Variants in NUP98 observed in about 807,000 individuals in gnomAD.
NUP98 encodes the protein nucleoporin 98 and 96 precursor, also known as nuclear pore complex protein Nup98-Nup96.
A neutral mutation model predicts 191.9 loss-of-function variants in NUP98; 26 were observed. The observed-to-expected ratio is 0.14, with a 90% CI of 0.10 to 0.19. The LOEUF (loss-of-function observed/expected upper bound fraction) is 0.19. Among genes scored for constraint, NUP98 ranks in the 10% least tolerant of loss-of-function variants. NUP98 has a pLI of 1.00. For synonymous variants in NUP98, 808 were observed against 778.4 expected (o/e 1.04, Z -0.63); for missense variants, 1,941 against 2,178.8 (o/e 0.89, Z 2.17).
chr11:3,713,037 T>C (rs1220155340), intron 19 of NUP98, among the ~76,000 whole-genome samples: 1 of 152,224 alleles, frequency 6.6e-6, no homozygotes, highest in Non-Finnish European at 1.5e-5. Context: ...CAGACATATA[T>C]TGCCTGTTAT....
chr11:3,734,423 G>A (rs2079968983), intron 13 of NUP98, among the ~76,000 whole-genome samples: 1 of 152,214 alleles, frequency 6.6e-6, no homozygotes, highest in African/African-American at 2.4e-5. Context: ...AGTAGTTTCT[G>A]TATATTGAGC....
chr11:3,719,516 A>C lies in NUP98; in HGVS notation c.2295T>G (p.Asn765Lys). The change falls in exon 18 of 33, where the codon AAT (asparagine) becomes AAG (lysine). Residue 765 changes from asparagine to lysine, a missense_variant. Transcript: ENST00000324932. ...YGSIYFEGDV[N>K]LTNLNLDDIV... ...TATCATCCAAATTTAGATTTGTCAA[A>C]TTCACATCTCCTTCAAAATAGATTG... is the stretch of plus-strand genomic sequence containing the variant. 6.3e-7 allele frequency: 1 copy of C among 1,590,384 alleles called. No individual in the cohort carries two copies. Among genetic ancestry groups the C allele is most frequent in the Non-Finnish European group, 8.5e-7 (1 of 1,170,896 alleles).
At chr11:3,777,703 G>T (rs1462892127) in intron 4 of NUP98, among the ~76,000 whole-genome samples, 2 of 150,074 alleles carry the variant, frequency 1.3e-5, no homozygotes, top group Non-Finnish European at 3.0e-5. Context: ...CCAATATTTA[G>T]AATTAGTAAC....
chr11:3,705,085 A>G, intron 22 of NUP98, 115 bp downstream of exon 22: 1 of 899,976 alleles, frequency 1.1e-6, no homozygotes, highest in East Asian at 2.5e-5. Flanking sequence ...TCACAGGTAT[A>G]GTTGTTTGGC....
intron 29 of NUP98, among the ~76,000 whole-genome samples, chr11:3,684,963 G>A (rs548285729): frequency 5.9e-5 from 9 of 152,108 alleles, no homozygotes; most frequent in Non-Finnish European, 8.8e-5. Flanking sequence ...GACTCTGGAC[G>A]AAAGTTGGAA....
At chr11:3,736,487 C>T (rs1472921181) in intron 12 of NUP98, among the ~76,000 whole-genome samples, 4 of 152,148 alleles carry the variant, frequency 2.6e-5, no homozygotes, top group African/African-American at 9.7e-5. Flanking sequence ...GAAACCCCAC[C>T]TCTACTAAAA....
rs778611798 is a variant in NUP98 at position 3,679,741 on chromosome 11, C to T, written c.4919-33G>A. Reference sequence around the variant, plus strand: ...AACAAAGTATTGAGCACAATGTCTGCACAAGTGCATAGTTTCCAAAAGTAC... The same window carrying T: ...AACAAAGTATTGAGCACAATGTCTGTACAAGTGCATAGTTTCCAAAAGTAC... On this transcript the variant is annotated intron_variant, in intron 30 of 32. Transcript: ENST00000324932. The T allele has an allele frequency of 9.4e-6, 15 of 1,598,750 alleles. 1 individual carries two copies. The South Asian group carries it at 1.6e-4, about 17-fold the overall frequency.
chr11:3,701,881 G>A (rs1207230913), intron 23 of NUP98, among the ~76,000 whole-genome samples: 2 of 151,754 alleles, frequency 1.3e-5, no homozygotes, highest in African/African-American at 4.8e-5. Flanking sequence ...TAGAGACAGA[G>A]TTTCACCGTG....
At chr11:3,780,798 G>A (rs1024103524) in intron 2 of NUP98, among the ~76,000 whole-genome samples, 1 of 151,778 alleles carries the variant, frequency 6.6e-6, no homozygotes, top group Non-Finnish European at 1.5e-5. Flanking sequence ...TGAGCCAGGA[G>A]GCCAGGCGCA....
chr11:3,693,418 T>TA (rs747596334), intron 26 of NUP98, 43 bp from the exon 27 acceptor site: 12 of 1,600,960 alleles, frequency 7.5e-6, no homozygotes, highest in Non-Finnish European at 2.6e-6. Context: ...TTCTACCTTG[T>TA]TATTACCTGT....
At chr11:3,766,321 T>G (rs1469729248) in intron 8 of NUP98, among the ~76,000 whole-genome samples, 3 of 151,738 alleles carry the variant, frequency 2.0e-5, no homozygotes, top group Non-Finnish European at 4.4e-5. Context: ...CGCAGTGAAC[T>G]GAGATCATGC....
In NUP98 at chr11:3,731,508, C is replaced by T. The variant is rs201892076; in HGVS notation, c.1613G>A (p.Arg538His). Residue 538 changes from arginine to histidine, a missense_variant, in exon 14 of 33, where the codon CGC becomes CAC. Arg to His is a conservative substitution (Grantham distance 29, BLOSUM62 0). Transcript: ENST00000324932. ...TTPTHYKLTP[R>H]PATRVRPKAL... ...CTTTGGCCGGACTCTAGTGGCAGGG[C>T]GGGGTGTCAGTTTATAATGAGTAGG... The T allele has an allele frequency of 1.9e-6, 3 of 1,606,526 alleles. No individual in the cohort carries two copies. Among genetic ancestry groups the T allele is most frequent in the Non-Finnish European group, 2.6e-6 (3 of 1,176,324 alleles).
intron 9 of NUP98, among the ~76,000 whole-genome samples, 161 bp downstream of exon 9, chr11:3,762,741 T>G (rs2081215418): frequency 6.6e-6 from 1 of 152,212 alleles, no homozygotes; most frequent in African/African-American, 2.4e-5. Flanking sequence ...GAAATTTCAT[T>G]TTATATCAAA....
At chr11:3,723,534 T>C in intron 15 of NUP98, 79 bp from the exon 16 acceptor site, 2 of 1,201,794 alleles carry the variant, frequency 1.7e-6, no homozygotes, top group Non-Finnish European at 2.4e-6. Flanking sequence ...ACCGAGCCTT[T>C]ACTAAGTGCC....
intron 4 of NUP98, 66 bp from the exon 5 acceptor site, chr11:3,776,087 G>A (rs1434007969): frequency 8.1e-7 from 1 of 1,240,086 alleles, no homozygotes; most frequent in Non-Finnish European, 1.2e-6. Context: ...AGATGCATTG[G>A]AATTGGGCTA....
chr11:3,702,315 T>TCC (rs2078719733), intron 23 of NUP98, 148 bp downstream of exon 23: 10 of 241,478 alleles, frequency 4.1e-5, no homozygotes, highest in African/African-American at 1.2e-4. Context: ...ACACACACAC[T>TCC]CTCTCTCTCT....
At chr11:3,703,894 C>T (rs905843821) in intron 22 of NUP98, among the ~76,000 whole-genome samples, 1 of 152,042 alleles carries the variant, frequency 6.6e-6, no homozygotes, top group Admixed American at 6.6e-5. Context: ...TGCTATGTTG[C>T]CCAGGCTGCT....
intron 1 of NUP98, among the ~76,000 whole-genome samples, chr11:3,793,040 G>C (rs143358503): frequency 6.6e-6 from 1 of 152,134 alleles, no homozygotes; most frequent in African/African-American, 2.4e-5. Context: ...GAACCTGGGA[G>C]GCGGAGGTTG....
In NUP98 at chr11:3,762,917, A is replaced by G. The variant is rs1308211829; in HGVS notation, c.1071T>C (p.Phe357=). 1.5e-5 allele frequency: 25 copies of G among 1,613,960 alleles called. No individual in the cohort carries two copies. Among genetic ancestry groups the G allele is most frequent in the Non-Finnish European group, 2.1e-5 (25 of 1,180,022 alleles). The change falls in exon 9 of 33, where the codon TTT becomes TTC. Residue 357 remains phenylalanine (F), a synonymous_variant. Coordinates refer to ENST00000324932, the MANE Select transcript of NUP98 (RefSeq NM_016320.5). ...TGLFGQTNTG[F]GAVGSTLFGN... ...AGAAACCTACCGAACCAACAGCACC[A>G]AATCCAGTATTGGTCTGCCCAAAGA...
Sources: gnomAD v4.1 joint callset for allele counts (sites outside exome capture counted in the v4.1 genomes callset) on GRCh38, gnomAD v4.1.1 for gene constraint, MANE v1.5 for transcripts, NCBI Gene and HGNC (gene_info 2026-07-23, HGNC 2026-07-21) for gene names.